Variants in GRIK4 observed in about 807,000 individuals in gnomAD.
GRIK4 encodes the protein glutamate receptor ionotropic, kainate 4.
A neutral mutation model predicts 104.9 loss-of-function variants in GRIK4; 40 were observed. The ratio of observed to expected loss-of-function variants is 0.38; its 90% CI spans 0.30 to 0.50. GRIK4 has a LOEUF of 0.50. Ranked by LOEUF, GRIK4 falls within the 20% of genes least tolerant of loss-of-function variation. GRIK4 has a pLI of 0.93. For missense variants in GRIK4, 1,047 were observed against 1,308.1 expected, an observed-to-expected ratio of 0.80 and a Z score of 3.08; for synonymous variants, 485 against 524.9, an observed-to-expected ratio of 0.92 and a Z score of 1.04.
At chr11:120,676,303 C>T (rs1383265842) in intron 3 of GRIK4, among the ~76,000 whole-genome samples, 4 of 152,204 alleles carry the variant, frequency 2.6e-5, no homozygotes, top group Non-Finnish European at 5.9e-5. Flanking sequence ...GGATCATCTC[C>T]CTGCCTCAAG....
Position 120,940,235 on chromosome 11 carries a change from A to C in GRIK4, c.1477-112A>C. ...TTGACTTAGAGCCACTCCTCAAGCA[A>C]GAAGCCAGACCAGCATCACATCTCC... On this transcript the variant is annotated intron_variant, in intron 13 of 20. Transcript: ENST00000527524. The surrounding 1 kb of genome is among the most constrained non-coding windows in gnomAD (Gnocchi z 4.3). 1.5e-6 allele frequency: 1 copy of C among 658,568 alleles called. No homozygotes were observed. Among genetic ancestry groups the C allele is most frequent in the East Asian group, 2.6e-5 (1 of 38,490 alleles). The allele number at this position is 658,568 out of a possible 1,614,324, so 40.8% of individuals were successfully genotyped here.
chr11:120,655,052 G>A (rs1370174679), intron 2 of GRIK4, among the ~76,000 whole-genome samples: 1 of 152,010 alleles, frequency 6.6e-6, no homozygotes, highest in East Asian at 1.9e-4. Context: ...TTTCATATTG[G>A]CCCCGTCTGT....
At chr11:120,837,800 C>A (rs189646829) in intron 8 of GRIK4, among the ~76,000 whole-genome samples, 1 of 152,106 alleles carries the variant, frequency 6.6e-6, no homozygotes, top group Admixed American at 6.5e-5. Flanking sequence ...AGTAAGGAGG[C>A]ATCTGGGGGA....
intron 1 of GRIK4, among the ~76,000 whole-genome samples, chr11:120,624,810 C>T (rs1338242019): frequency 2.0e-5 from 3 of 152,026 alleles, no homozygotes; most frequent in Non-Finnish European, 2.9e-5. Flanking sequence ...GCCTGCTGCT[C>T]CAGGAAAGGA....
At chr11:120,740,838 T>C (rs1451186111) in intron 3 of GRIK4, among the ~76,000 whole-genome samples, 1 of 152,192 alleles carries the variant, frequency 6.6e-6, no homozygotes, top group Non-Finnish European at 1.5e-5. Context: ...TGCATAATGC[T>C]TTATTATGGG....
intron 4 of GRIK4, among the ~76,000 whole-genome samples, chr11:120,804,810 C>T (rs1952682711): frequency 6.6e-6 from 1 of 152,162 alleles, no homozygotes; most frequent in South Asian, 2.1e-4. Context: ...TGTGGCCAGT[C>T]TCACAAGCTG....
At chr11:120,532,342 C>T (rs1298817980) in intron 1 of GRIK4, among the ~76,000 whole-genome samples, 2 of 152,180 alleles carry the variant, frequency 1.3e-5, no homozygotes, top group Non-Finnish European at 2.9e-5. Context: ...CGGGGGTCCG[C>T]CCTGGGTGTG....
chr11:120,544,116 A>G (rs1948062866), intron 1 of GRIK4, among the ~76,000 whole-genome samples: 1 of 152,220 alleles, frequency 6.6e-6, no homozygotes, highest in East Asian at 1.9e-4. Context: ...GAGAGGATGG[A>G]TCTGATAGTA....
intron 6 of GRIK4, among the ~76,000 whole-genome samples, chr11:120,830,249 G>C (rs1191626951): frequency 1.3e-5 from 2 of 151,322 alleles, no homozygotes; most frequent in African/African-American, 4.9e-5. Flanking sequence ...TAATCCCTGA[G>C]ACACGTGTCT....
chr11:120,590,228 C>T (rs561542055), intron 1 of GRIK4, among the ~76,000 whole-genome samples: 2 of 152,270 alleles, frequency 1.3e-5, no homozygotes, highest in African/African-American at 4.8e-5. Context: ...CCTGCCTTCA[C>T]CTTGACCTTA....
At chr11:120,755,243 AT>A (rs1430337874) in intron 3 of GRIK4, among the ~76,000 whole-genome samples, 1 of 152,096 alleles carries the variant, frequency 6.6e-6, no homozygotes, top group Non-Finnish European at 1.5e-5. Flanking sequence ...CAATTGCACC[AT>A]GGGAGCCAAG....
At position 120,786,713 on chromosome 11, in the gene GRIK4, A is replaced by G. The variant is rs539114549; in HGVS notation, c.83-15980A>G. Among the ~76,000 whole-genome samples the G allele has an allele frequency of 1.7e-4, 26 of 152,304 alleles. 1 individual carries two copies. The South Asian group carries it at 5.4e-3, about 32-fold the overall frequency. ...GCCCTCCCCTGAAGCCACCTTCCTT[A>G]TCTTTGTCAGTCTTGCTAGTGGAAG... On this transcript the variant is annotated intron_variant, in intron 3 of 20. Coordinates refer to ENST00000527524, the MANE Select transcript of GRIK4 (RefSeq NM_014619.5).
At chr11:120,757,761 A>G (rs1000003003) in intron 3 of GRIK4, among the ~76,000 whole-genome samples, 31 of 151,756 alleles carry the variant, frequency 2.0e-4, no homozygotes, top group African/African-American at 7.0e-4. Context: ...TGCGGAGGAG[A>G]GTTTGGATTG....
chr11:120,836,834 T>C lies in GRIK4; in HGVS notation c.734T>C (p.Phe245Ser). The C allele has an allele frequency of 1.3e-6, 2 of 1,591,230 alleles. No homozygotes were observed. Among genetic ancestry groups the C allele is most frequent in the Non-Finnish European group, 1.7e-6 (2 of 1,159,102 alleles). Reference sequence around the variant, plus strand: ...GTGTCAGCCTATTACACATACATCTTCACTAATCTGGTAAGATGTTCTCAC... The same window carrying C: ...GTGTCAGCCTATTACACATACATCTCCACTAATCTGGTAAGATGTTCTCAC... ...GMVSAYYTYI[F>S]TNLEFSLQRM... The change falls in exon 8 of 21, where the codon TTC becomes TCC. Residue 245 changes from phenylalanine (F) to serine (S), a missense_variant. This residue lies in a region of GRIK4 where 447 missense variants were observed against 514.9 expected (regional missense o/e 0.87). Transcript: ENST00000527524.
chr11:120,522,618 G>T (rs1351564873), intron 1 of GRIK4, among the ~76,000 whole-genome samples: 2 of 151,862 alleles, frequency 1.3e-5, no homozygotes, highest in African/African-American at 4.8e-5. Context: ...ACTGCACCTG[G>T]CTCCCATGGG....
Position 120,655,848 on chromosome 11 carries a change from G to A in GRIK4, c.-51+2056G>A, listed in dbSNP as rs574774100. Among the ~76,000 whole-genome samples the A allele has an allele frequency of 1.2e-4, 18 of 152,188 alleles. No individual in the cohort carries two copies. The South Asian group carries it at 3.5e-3, about 30-fold the overall frequency. ...GAGGAAGTAGGAGGAGGAGCAGGTGGCGGGCTTGGTGGAGACTACGCCTTC... is the reference window on the plus strand; with the variant it reads ...GAGGAAGTAGGAGGAGGAGCAGGTGACGGGCTTGGTGGAGACTACGCCTTC... On this transcript the variant is annotated intron_variant, in intron 2 of 20. Coordinates refer to ENST00000527524, the MANE Select transcript of GRIK4 (RefSeq NM_014619.5).
intron 1 of GRIK4, among the ~76,000 whole-genome samples, chr11:120,594,892 A>G (rs1206469776): frequency 6.6e-6 from 1 of 152,196 alleles, no homozygotes; most frequent in Non-Finnish European, 1.5e-5. Flanking sequence ...ACTCGTGAAG[A>G]GGAGATGCCT....
chr11:120,750,663 C>T (rs1464545655), intron 3 of GRIK4, among the ~76,000 whole-genome samples: 1 of 152,178 alleles, frequency 6.6e-6, no homozygotes, highest in Non-Finnish European at 1.5e-5. Context: ...GCTGCCACCC[C>T]CGGCCTGGAA....
At chr11:120,789,226 T>G (rs183839632) in intron 3 of GRIK4, among the ~76,000 whole-genome samples, 127 of 152,290 alleles carry the variant, frequency 8.3e-4, no homozygotes, top group Middle Eastern at 6.8e-3. Flanking sequence ...TGCTAAACAG[T>G]GCGCCCCGAA....
Sources: allele counts gnomAD v4.1 joint callset (sites outside exome capture counted in the v4.1 genomes callset), GRCh38; gene constraint gnomAD v4.1.1; regional missense constraint gnomAD v4.1.1; non-coding constraint Gnocchi (gnomAD v3.1); transcripts MANE v1.5; gene names NCBI Gene and HGNC (gene_info 2026-07-23, HGNC 2026-07-21).